The following ZNF763 variants were observed in gnomAD, a reference collection of about 807,000 sequenced individuals.
ZNF763 encodes zinc finger protein 763, also known as DNA-binding protein.
ZNF763 carries 33 observed loss-of-function variants against 38.0 expected under a neutral mutation model. The ratio of observed to expected loss-of-function variants is 0.87; its 90% CI spans 0.66 to 1.16. The LOEUF (loss-of-function observed/expected upper bound fraction) is 1.16. Ranked by LOEUF, ZNF763 falls within the 50% of genes most tolerant of loss-of-function variation. The probability of loss-of-function intolerance (pLI) is 0.00; values close to 1 mark genes in which losing one functional copy is unlikely to be tolerated. For missense variants in ZNF763, 423 were observed against 469.1 expected (o/e 0.90, Z 0.91); for synonymous variants, 155 against 160.1 (o/e 0.97, Z 0.24).
chr19:11,974,449 G>A (rs1353550806), intron 1 of ZNF763, among the ~76,000 whole-genome samples: 1 of 151,812 alleles, frequency 6.6e-6, no homozygotes, highest in Non-Finnish European at 1.5e-5. Context: ...CACCCGCCTT[G>A]GCCTCCCAAA....
chr19:11,976,999 C>G (rs748511701), intron 1 of ZNF763, 39 bp from the exon 2 acceptor site: 5 of 1,612,288 alleles, frequency 3.1e-6, no homozygotes, highest in South Asian at 1.1e-5. Flanking sequence ...ACTGCTGTCA[C>G]TCTCACCCAG....
chr19:11,970,976 A>T (rs1291379098), intron 1 of ZNF763, among the ~76,000 whole-genome samples: 1 of 152,098 alleles, frequency 6.6e-6, no homozygotes, highest in Non-Finnish European at 1.5e-5. Context: ...CTGGTCTCAC[A>T]ATTTGCTGTT....
intron 1 of ZNF763, among the ~76,000 whole-genome samples, chr19:11,972,798 A>C (rs911781596): frequency 6.6e-6 from 1 of 152,148 alleles, no homozygotes. Flanking sequence ...CCCTGTTTTA[A>C]ACATCTTGAC....
intron 1 of ZNF763, among the ~76,000 whole-genome samples, chr19:11,970,939 A>T (rs1973337880): frequency 1.3e-5 from 2 of 148,826 alleles, no homozygotes; most frequent in Admixed American, 6.7e-5. Flanking sequence ...TTCAAAAAAT[A>T]AAAAAAAAAC....
In ZNF763 at chr19:11,979,344, G is replaced by A. The variant is rs2145349103; in HGVS notation, c.*235G>A. 1 of 1,608,376 alleles carries A rather than the reference G, an allele frequency of 6.2e-7. No homozygotes were observed. Among genetic ancestry groups the A allele is most frequent in the East Asian group, 2.2e-5 (1 of 44,570 alleles). Reference sequence around the variant, plus strand: ...TTCGAAGGCATGGTAGGACTCACTGGAGAGAAACCCTATGAGTGTAAGGAA... The same window carrying A: ...TTCGAAGGCATGGTAGGACTCACTGAAGAGAAACCCTATGAGTGTAAGGAA... On this transcript the variant is annotated 3_prime_UTR_variant, in exon 4 of 4. Transcript: ENST00000358987.
At chr19:11,974,134 C>CTTTCTTTCT (rs1568308538) in intron 1 of ZNF763, among the ~76,000 whole-genome samples, 7 of 98,120 alleles carry the variant, frequency 7.1e-5, no homozygotes, top group African/African-American at 3.2e-4. Flanking sequence ...TCTTTTCTTT[C>CTTTCTTTCT]TTTCTTTCTT....
chr19:11,977,944 AATAGGTATG>A (rs1399252471), intron 3 of ZNF763, among the ~76,000 whole-genome samples, 163 bp from the exon 4 acceptor site: 2 of 129,678 alleles, frequency 1.5e-5, no homozygotes, highest in Non-Finnish European at 3.1e-5. Context: ...TTTTTTAAAC[AATAGGTATG>A]ACTATGTCAC....
In ZNF763 at chr19:11,980,112, G is replaced by T. The variant is rs1167679517; in HGVS notation, c.*1003G>T. The T allele has an allele frequency of 3.3e-6, 3 of 910,590 alleles. No homozygotes were observed. The highest frequency in any genetic ancestry group is 3.4e-6 in the Non-Finnish European group (2 of 589,798). 56.4% of individuals were successfully genotyped at this position (910,590 alleles called of 1,614,324 possible). On this transcript the variant is annotated 3_prime_UTR_variant, in exon 4 of 4. Coordinates refer to ENST00000358987, the MANE Select transcript of ZNF763 (RefSeq NM_001367172.2). Reference sequence around the variant, plus strand: ...ACCTTCAGATCTACCTCACACCTTCGAAAACATGGTAGGACTCACACTGGA... The same window carrying T: ...ACCTTCAGATCTACCTCACACCTTCTAAAACATGGTAGGACTCACACTGGA...
intron 1 of ZNF763, among the ~76,000 whole-genome samples, chr19:11,969,947 G>A (rs1045483475): frequency 6.6e-6 from 1 of 152,150 alleles, no homozygotes; most frequent in African/African-American, 2.4e-5. Context: ...TTTTAGAATT[G>A]CCTGGGGCTG....
At position 11,978,788 on chromosome 19, in the gene ZNF763, A is replaced by G; in HGVS notation, c.864A>G (p.Gln288=). 1.2e-6 allele frequency: 2 copies of G among 1,614,166 alleles called. No homozygotes were observed. Among genetic ancestry groups the G allele is most frequent in the East Asian group, 2.2e-5 (1 of 44,874 alleles). ...HTGGKPYECK[Q]CGKSFSWCHS... The stretch of plus-strand genomic sequence containing the variant: ...GGGGAAAGCCATATGAATGTAAACA[A>G]TGTGGCAAATCCTTCAGTTGGTGTC... Residue 288 remains glutamine (Q), a synonymous_variant, in exon 4 of 4, where the codon CAA becomes CAG. Coordinates refer to ENST00000358987, the MANE Select transcript of ZNF763 (RefSeq NM_001367172.2).
In ZNF763 at chr19:11,977,476, G is replaced by C. The variant is rs1298866224; in HGVS notation, c.191+45G>C. 2.5e-6 allele frequency: 4 copies of C among 1,596,906 alleles called. No individual in the cohort carries two copies. In the African/African-American group the frequency reaches 4.0e-5, roughly 16 times the overall value. ...AAAGCAGTGTCTCTAGATGATTTTA[G>C]TATATGATAATATGTTGAAGAGAAG... On this transcript the variant is annotated intron_variant, in intron 3 of 3. Transcript: ENST00000358987.
chr19:11,977,522 A>C lies in ZNF763; in HGVS notation c.191+91A>C. The C allele has an allele frequency of 2.1e-6, 3 of 1,451,982 alleles. No individual in the cohort carries two copies. The South Asian group carries it at 3.7e-5, about 18-fold the overall frequency. 89.9% of individuals were successfully genotyped at this position (1,451,982 alleles called of 1,614,324 possible). On this transcript the variant is annotated intron_variant, in intron 3 of 3. Transcript: ENST00000358987. ...AGAAGTAAAACAAAGAACTAAGTCC[A>C]GTATCAAATTCATCTCTTCTTAGAA...
rs774891700 is a variant in ZNF763, at chr19:11,977,426, C to T, written c.186C>T (p.Asn62=). ...ATGAGTACCAAAACCCCAGGAGAAA[C>T]TTCAGGTAATTGGCACTTAAAGAGA... ...IEYEYQNPRR[N]FRSLIEGNVN... The change falls in exon 3 of 4, where the codon AAC becomes AAT. Residue 62 remains asparagine, a synonymous_variant. Transcript: ENST00000358987. 1.2e-6 allele frequency: 2 copies of T among 1,613,790 alleles called. No homozygotes were observed. The highest frequency in any genetic ancestry group is 1.7e-5 in the Admixed American group (1 of 59,990).
intron 1 of ZNF763, among the ~76,000 whole-genome samples, chr19:11,968,181 T>C (rs1175529367): frequency 6.6e-6 from 1 of 152,184 alleles, no homozygotes; most frequent in Admixed American, 6.5e-5. Flanking sequence ...CTAACACTTA[T>C]ATAGGCAAAA....
chr19:11,974,444 G>A (rs528603188), intron 1 of ZNF763, among the ~76,000 whole-genome samples: 26 of 151,916 alleles, frequency 1.7e-4, no homozygotes, highest in Admixed American at 6.6e-4. Flanking sequence ...TGATCCACCC[G>A]CCTTGGCCTC....
chr19:11,974,098 TTTC>T (rs879322462), intron 1 of ZNF763, among the ~76,000 whole-genome samples: 195 of 95,014 alleles, frequency 2.1e-3, no homozygotes, highest in Middle Eastern at 4.9e-3. Flanking sequence ...TCTTTCTTTC[TTTC>T]TTTCTTTCTT....
chr19:11,968,949 A>G (rs1046859920), intron 1 of ZNF763, among the ~76,000 whole-genome samples: 6 of 152,194 alleles, frequency 3.9e-5, no homozygotes, highest in African/African-American at 1.4e-4. Context: ...ACAAAACACT[A>G]TAGGTAAGAA....
intron 1 of ZNF763, among the ~76,000 whole-genome samples, chr19:11,967,330 C>T (rs1244746653): frequency 6.6e-6 from 1 of 152,040 alleles, no homozygotes; most frequent in Non-Finnish European, 1.5e-5. Flanking sequence ...GAGTGAGACC[C>T]CATCTCAAAA....
rs2145319465 is a variant in ZNF763, at chr19:11,965,724, A to G, written c.3+513A>G. Among the ~76,000 whole-genome samples the G allele has an allele frequency of 1.3e-5, 2 of 152,358 alleles. 1 individual carries two copies. Among genetic ancestry groups the G allele is most frequent in the South Asian group, 4.1e-4 (2 of 4,830 alleles). ...CTGAAAAAGCCAAACAATGTAAAAT[A>G]AAGTTTATTCGTAGCCAAATAGGAG... On this transcript the variant is annotated intron_variant, in intron 1 of 3. Coordinates refer to ENST00000358987, the MANE Select transcript of ZNF763 (RefSeq NM_001367172.2).
Sources: allele counts gnomAD v4.1 joint callset (sites outside exome capture counted in the v4.1 genomes callset), GRCh38; gene constraint gnomAD v4.1.1; transcripts MANE v1.5; gene names NCBI Gene and HGNC (gene_info 2026-07-23, HGNC 2026-07-21).